Variants in ARHGAP31 observed in about 807,000 individuals in gnomAD.
The protein encoded by ARHGAP31 is Rho GTPase activating protein 31.
In ARHGAP31, 34 loss-of-function variants were observed where a neutral mutation model predicts 113.9. The observed-to-expected ratio is 0.30, with a 90% CI of 0.23 to 0.40. The LOEUF (loss-of-function observed/expected upper bound fraction) is 0.40, where lower values mean the gene tolerates loss of function less well. Ranked by LOEUF, ARHGAP31 falls within the 10% of genes least tolerant of loss-of-function variation. ARHGAP31 has a pLI of 1.00. For missense variants in ARHGAP31, 1,548 were observed against 1,767.1 expected (o/e 0.88, Z 2.22); for synonymous variants, 650 against 684.8 (o/e 0.95, Z 0.79).
At chr3:119,375,084 G>A (rs775444674) in intron 3 of ARHGAP31, among the ~76,000 whole-genome samples, 4 of 152,104 alleles carry the variant, frequency 2.6e-5, no homozygotes, top group Non-Finnish European at 5.9e-5. Context: ...TGTGATAATA[G>A]GGGATTTTTT....
chr3:119,357,633 G>A (rs1045550562), intron 1 of ARHGAP31, among the ~76,000 whole-genome samples: 4 of 152,146 alleles, frequency 2.6e-5, no homozygotes, highest in Admixed American at 1.3e-4. Context: ...TAAAACAATC[G>A]CTTTGAATCC....
intron 6 of ARHGAP31, among the ~76,000 whole-genome samples, chr3:119,390,338 G>T (rs539919166): frequency 1.3e-5 from 2 of 152,342 alleles, no homozygotes; most frequent in African/African-American, 4.8e-5. Context: ...GTGCTGTCCA[G>T]CTGTGGGGAG....
At chr3:119,303,700 C>T (rs142997015) in intron 1 of ARHGAP31, among the ~76,000 whole-genome samples, 4 of 152,152 alleles carry the variant, frequency 2.6e-5, no homozygotes, top group Admixed American at 6.5e-5. Flanking sequence ...TCCGGCAAAC[C>T]GTACATAAAT....
At chr3:119,309,699 G>A (rs564136592) in intron 1 of ARHGAP31, among the ~76,000 whole-genome samples, 266 of 152,158 alleles carry the variant, frequency 1.7e-3, no homozygotes, top group African/African-American at 5.8e-3. Flanking sequence ...GGTCAAAGCC[G>A]CAGTGAGCTG....
intron 1 of ARHGAP31, among the ~76,000 whole-genome samples, chr3:119,339,841 A>T (rs900628646): frequency 6.6e-6 from 1 of 152,226 alleles, no homozygotes; most frequent in Non-Finnish European, 1.5e-5. Context: ...AAAATTAAGG[A>T]AAATCCTTGG....
chr3:119,354,041 A>G (rs1192965383), intron 1 of ARHGAP31, among the ~76,000 whole-genome samples: 1 of 152,138 alleles, frequency 6.6e-6, no homozygotes, highest in Non-Finnish European at 1.5e-5. Context: ...GGACCTGGAC[A>G]CCTCTGCAGG....
chr3:119,346,343 G>A (rs764259149), intron 1 of ARHGAP31, among the ~76,000 whole-genome samples: 1 of 152,322 alleles, frequency 6.6e-6, no homozygotes, highest in Middle Eastern at 3.4e-3. Flanking sequence ...TATTTAAGAA[G>A]AGAAAGCAAA....
intron 1 of ARHGAP31, among the ~76,000 whole-genome samples, chr3:119,304,649 A>G (rs1218594732): frequency 6.7e-6 from 1 of 150,102 alleles, no homozygotes; most frequent in Non-Finnish European, 1.5e-5. Context: ...GGAGAGGGCA[A>G]ACCAGCTGAT....
intron 3 of ARHGAP31, among the ~76,000 whole-genome samples, chr3:119,376,942 C>T (rs1218432449): frequency 1.3e-5 from 2 of 152,174 alleles, no homozygotes; most frequent in Non-Finnish European, 1.5e-5. Context: ...CTGTCTTGGG[C>T]AAACCAGGAT....
At chr3:119,327,015 C>T (rs1347764257) in intron 1 of ARHGAP31, among the ~76,000 whole-genome samples, 1 of 152,010 alleles carries the variant, frequency 6.6e-6, no homozygotes, top group Non-Finnish European at 1.5e-5. Context: ...GTGGCACGCG[C>T]CTGTAGTCTC....
intron 1 of ARHGAP31, chr3:119,298,570 G>A (rs967818850): frequency 5.9e-5 from 9 of 152,192 alleles, no homozygotes; most frequent in Non-Finnish European, 1.2e-4. Flanking sequence ...CTCTGGGTTG[G>A]CTTTACTTTA....
At chr3:119,363,062 AC>A (rs1320713669) in intron 1 of ARHGAP31, among the ~76,000 whole-genome samples, 3 of 152,094 alleles carry the variant, frequency 2.0e-5, no homozygotes, top group East Asian at 3.9e-4. Context: ...AAGAAACAGA[AC>A]CCTTGTATAT....
At chr3:119,359,162 C>T (rs2080183556) in intron 1 of ARHGAP31, among the ~76,000 whole-genome samples, 2 of 151,832 alleles carry the variant, frequency 1.3e-5, no homozygotes, top group South Asian at 2.1e-4. Context: ...GGATTATAGG[C>T]GTGCACCACC....
chr3:119,307,868 A>C (rs1396124710), intron 1 of ARHGAP31, among the ~76,000 whole-genome samples: 2 of 139,248 alleles, frequency 1.4e-5, no homozygotes, highest in Non-Finnish European at 3.0e-5. Context: ...TATTTGCCCC[A>C]AAACTGCATT....
intron 3 of ARHGAP31, among the ~76,000 whole-genome samples, chr3:119,369,638 T>C (rs1192731710): frequency 6.6e-6 from 1 of 152,190 alleles, no homozygotes; most frequent in East Asian, 1.9e-4. Context: ...TGTAAAAATA[T>C]GTTTAGGAGT....
intron 10 of ARHGAP31, among the ~76,000 whole-genome samples, chr3:119,406,460 T>C (rs1273010517): frequency 6.6e-6 from 1 of 152,246 alleles, no homozygotes; most frequent in Non-Finnish European, 1.5e-5. Flanking sequence ...CGTCATGGCA[T>C]TATTTGTAAT....
In ARHGAP31 at chr3:119,337,452, G is replaced by A. The variant is rs141813166; in HGVS notation, c.101-27864G>A. 6.2e-3 allele frequency among the ~76,000 whole-genome samples: 947 copies of A among 152,310 alleles called. 11 individuals carry two copies. The highest frequency in any genetic ancestry group is 0.014 in the Middle Eastern group (4 of 294). ...GCAGCACAGACCCAAAGAGTGACCA[G>A]CACCAACATTTACTGCAAAAAGCAA... On this transcript the variant is annotated intron_variant, in intron 1 of 11. Transcript: ENST00000264245.
At chr3:119,309,477 G>C (rs1365881669) in intron 1 of ARHGAP31, among the ~76,000 whole-genome samples, 1 of 152,130 alleles carries the variant, frequency 6.6e-6, no homozygotes, top group Admixed American at 6.5e-5. Flanking sequence ...AATAGAGGTT[G>C]GGTGCAGTGG....
chr3:119,319,556 C>T (rs1197065105), intron 1 of ARHGAP31, among the ~76,000 whole-genome samples: 2 of 152,166 alleles, frequency 1.3e-5, no homozygotes, highest in African/African-American at 4.8e-5. Flanking sequence ...TAGATGCCAA[C>T]ACAGTCATAT....
Sources: gnomAD v4.1 joint callset for allele counts (sites outside exome capture counted in the v4.1 genomes callset) on GRCh38, gnomAD v4.1.1 for gene constraint, MANE v1.5 for transcripts, NCBI Gene and HGNC (gene_info 2026-07-23, HGNC 2026-07-21) for gene names.